PDE3A: variants seen among roughly 807,000 people sequenced by gnomAD.
PDE3A encodes the protein phosphodiesterase 3A, also known as cGMP-inhibited 3',5'-cyclic phosphodiesterase 3A.
PDE3A carries 43 observed loss-of-function variants against 98.3 expected under a neutral mutation model. That is an observed-to-expected ratio of 0.44 (90% CI 0.34 to 0.56). The LOEUF is 0.56. Ranked by LOEUF, PDE3A falls within the 20% of genes least tolerant of loss-of-function variation. The pLI is 0.01. For synonymous variants in PDE3A, 663 were observed against 567.9 expected (o/e 1.17, Z -2.38); for missense variants, 1,427 against 1,440.7 (o/e 0.99, Z 0.15).
chr12:20,591,301 G>T (rs908342879), intron 2 of PDE3A, among the ~76,000 whole-genome samples: 2 of 152,222 alleles, frequency 1.3e-5, no homozygotes, highest in African/African-American at 4.8e-5. Flanking sequence ...TACAGCCAAT[G>T]TACATACTTA....
In PDE3A at chr12:20,458,236, A is replaced by G. The variant is rs1591953437; in HGVS notation, c.960+87992A>G. ...TGTTAATATGTTTCCTGAAAGTCCT[A>G]CTATTGATTGACTCATATATGCCTC... On this transcript the variant is annotated intron_variant, in intron 1 of 15. Transcript: ENST00000359062. Among the ~76,000 whole-genome samples the G allele has an allele frequency of 2.0e-5, 3 of 152,156 alleles. No individual in the cohort carries two copies. In the South Asian group the frequency reaches 6.2e-4, roughly 32 times the overall value.
rs184793854 is a variant in PDE3A, at chr12:20,639,377, A to T, written c.2140-469A>T. ...ATATGATCCTTATTAGTCACTGTTT[A>T]TGTTCCTAATTTCCCAGACATTAAA... On this transcript the variant is annotated intron_variant, in intron 9 of 15. Transcript: ENST00000359062. Among the ~76,000 whole-genome samples, 1,054 of 152,264 alleles carry T rather than the reference A, an allele frequency of 6.9e-3. 7 individuals carry two copies. Among genetic ancestry groups the T allele is most frequent in the Non-Finnish European group, 0.012 (789 of 67,988 alleles).
In PDE3A at chr12:20,683,315, T is replaced by C. The variant is rs1204290507; in HGVS notation, c.*3044T>C. The C allele has an allele frequency of 1.3e-5, 2 of 152,202 alleles. No individual in the cohort carries two copies. Among genetic ancestry groups the C allele is most frequent in the East Asian group, 1.9e-4 (1 of 5,190 alleles). 9.4% of individuals were successfully genotyped at this position (152,202 alleles called of 1,614,324 possible). On this transcript the variant is annotated 3_prime_UTR_variant, in exon 16 of 16. Coordinates refer to ENST00000359062, the MANE Select transcript of PDE3A (RefSeq NM_000921.5). The stretch of plus-strand genomic sequence containing the variant: ...ACTTCCTGTGGTGCCAATGTATTTG[T>C]TGCAATTTACTACATTTTTATATGA...
chr12:20,426,666 C>T (rs11045238), intron 1 of PDE3A, among the ~76,000 whole-genome samples: 24,878 of 152,068 alleles, frequency 0.16, 2,592 homozygotes, highest in East Asian at 0.24. Flanking sequence ...AAAATGGACA[C>T]GCTTATATAT....
At chr12:20,512,989 T>C (rs1394575545) in intron 1 of PDE3A, among the ~76,000 whole-genome samples, 6 of 152,114 alleles carry the variant, frequency 3.9e-5, no homozygotes, top group Admixed American at 6.6e-5. Context: ...AGTAAATGTA[T>C]TTTGTTCTTT....
At chr12:20,396,057 G>T (rs1478235950) in intron 1 of PDE3A, among the ~76,000 whole-genome samples, 1 of 151,752 alleles carries the variant, frequency 6.6e-6, no homozygotes, top group Non-Finnish European at 1.5e-5. Context: ...CACTGCACTT[G>T]GCCTATTCTT....
rs1303475926 is a variant in PDE3A, at chr12:20,635,044, C to G, written c.1989C>G (p.Thr663=). 1 of 1,611,728 alleles carries G rather than the reference C, an allele frequency of 6.2e-7. No individual in the cohort carries two copies. The highest frequency in any genetic ancestry group is 1.7e-5 in the Admixed American group (1 of 59,282). Residue 663 remains threonine, a synonymous_variant, in exon 8 of 16, where the codon ACC becomes ACG. Transcript: ENST00000359062. ...ASACSTYAPE[T]MMFLDKPILA... ...CTTGCAGCACCTATGCTCCTGAGAC[C>G]ATGATGTTTCTGGTAGTCCCATATC...
intron 4 of PDE3A, among the ~76,000 whole-genome samples, chr12:20,618,307 CT>C (rs1361631801): frequency 6.6e-6 from 1 of 152,046 alleles, no homozygotes; most frequent in African/African-American, 2.4e-5. Flanking sequence ...TCAAAACCTT[CT>C]TTTGAGTTTT....
intron 7 of PDE3A, among the ~76,000 whole-genome samples, chr12:20,634,111 T>A (rs1412504083): frequency 6.6e-6 from 1 of 152,210 alleles, no homozygotes; most frequent in Non-Finnish European, 1.5e-5. Context: ...CTTTCCAAAA[T>A]TTTTTAATAC....
intron 1 of PDE3A, among the ~76,000 whole-genome samples, chr12:20,495,377 G>T (rs1565567505): frequency 6.6e-6 from 1 of 152,026 alleles, no homozygotes; most frequent in Non-Finnish European, 1.5e-5. Flanking sequence ...TCAGTGTTTT[G>T]AAAGGTAGAA....
intron 1 of PDE3A, among the ~76,000 whole-genome samples, chr12:20,555,433 G>T (rs1942345403): frequency 6.6e-6 from 1 of 152,158 alleles, no homozygotes; most frequent in Admixed American, 6.5e-5. Flanking sequence ...GTCTCTCATA[G>T]TTTTAACTTT....
chr12:20,449,975 C>A (rs768002167), intron 1 of PDE3A: 4 of 727,514 alleles, frequency 5.5e-6, no homozygotes, highest in Non-Finnish European at 9.6e-6. Context: ...TTGTCAGGAA[C>A]AATAAGCCCT....
At chr12:20,615,190 C>A (rs1943974706) in intron 3 of PDE3A, among the ~76,000 whole-genome samples, 2 of 151,956 alleles carry the variant, frequency 1.3e-5, no homozygotes, top group Non-Finnish European at 2.9e-5. Flanking sequence ...AGGCGTGAGC[C>A]ACTGCGCCTG....
chr12:20,680,611 G>A lies in PDE3A; in HGVS notation c.*340G>A, dbSNP rs1479508184. The A allele has an allele frequency of 5.5e-6, 1 of 182,032 alleles. No individual in the cohort carries two copies. Among genetic ancestry groups the A allele is most frequent in the Non-Finnish European group, 1.1e-5 (1 of 87,314 alleles). 11.3% of individuals were successfully genotyped at this position (182,032 alleles called of 1,614,324 possible). ...TACACACTGAAGGCCACGATTGCTGGCTCCACAATTTAGTAACATTTATAT... is the reference window on the plus strand; with the variant it reads ...TACACACTGAAGGCCACGATTGCTGACTCCACAATTTAGTAACATTTATAT... On this transcript the variant is annotated 3_prime_UTR_variant, in exon 16 of 16. Coordinates refer to ENST00000359062, the MANE Select transcript of PDE3A (RefSeq NM_000921.5).
chr12:20,469,047 T>C (rs1945391756), intron 1 of PDE3A, among the ~76,000 whole-genome samples: 1 of 152,186 alleles, frequency 6.6e-6, no homozygotes, highest in Admixed American at 6.5e-5. Flanking sequence ...TCTTCTCTCA[T>C]TTCAGAACCC....
At chr12:20,415,420 A>ATT (rs1944406558) in intron 1 of PDE3A, among the ~76,000 whole-genome samples, 1 of 151,012 alleles carries the variant, frequency 6.6e-6, no homozygotes, top group Non-Finnish European at 1.5e-5. Flanking sequence ...TTATTTATTT[A>ATT]TATTTTTTAT....
At chr12:20,484,135 ATTTCT>A (rs1295767623) in intron 1 of PDE3A, among the ~76,000 whole-genome samples, 1 of 152,066 alleles carries the variant, frequency 6.6e-6, no homozygotes, top group Non-Finnish European at 1.5e-5. Context: ...TAAGTACTTA[ATTTCT>A]TTATATAGTA....
chr12:20,393,646 GT>G (rs1215907628), intron 1 of PDE3A, among the ~76,000 whole-genome samples: 1 of 151,924 alleles, frequency 6.6e-6, no homozygotes, highest in Non-Finnish European at 1.5e-5. Context: ...CAATTAAAAA[GT>G]AAAGAAAAAC....
At chr12:20,670,593 T>C (rs1313375783) in intron 15 of PDE3A, among the ~76,000 whole-genome samples, 1 of 151,894 alleles carries the variant, frequency 6.6e-6, no homozygotes, top group Admixed American at 6.6e-5. Flanking sequence ...TGCTCCTGAA[T>C]GACTACTGGG....
Sources: gnomAD v4.1 joint callset for allele counts (sites outside exome capture counted in the v4.1 genomes callset) on GRCh38, gnomAD v4.1.1 for gene constraint, MANE v1.5 for transcripts, NCBI Gene and HGNC (gene_info 2026-07-23, HGNC 2026-07-21) for gene names.